The following ING5 variants were observed in gnomAD, a reference collection of about 807,000 sequenced individuals.
ING5 encodes the protein inhibitor of growth protein 5.
A neutral mutation model predicts 37.4 loss-of-function variants in ING5; 17 were observed. The observed-to-expected ratio is 0.45, with a 90% CI of 0.31 to 0.68. ING5 has a LOEUF of 0.68. Among genes scored for constraint, ING5 ranks in the 30% least tolerant of loss-of-function variants. The probability of loss-of-function intolerance (pLI) is 0.05; values close to 1 mark genes in which losing one functional copy is unlikely to be tolerated. For missense variants in ING5, 233 were observed against 311.9 expected (o/e 0.75, Z 1.91); for synonymous variants, 123 against 116.6 (o/e 1.06, Z -0.36).
chr2:241,708,739 T>C (rs2124903022), intron 2 of ING5, among the ~76,000 whole-genome samples: 1 of 152,324 alleles, frequency 6.6e-6, no homozygotes, highest in South Asian at 2.1e-4. Context: ...TTACTGAGGA[T>C]TGGACATTGG....
intron 2 of ING5, 52 bp downstream of exon 2, chr2:241,704,776 C>A: frequency 6.8e-7 from 1 of 1,460,846 alleles, no homozygotes; most frequent in Non-Finnish European, 9.6e-7. Flanking sequence ...CAGGTGGGAG[C>A]CAGCAGCTCC....
chr2:241,721,367 CCT>C (rs2124947961), intron 5 of ING5: 2 of 985,474 alleles, frequency 2.0e-6, no homozygotes, highest in South Asian at 4.7e-5. Context: ...AAGAGAAACC[CCT>C]GTCTATTCCC....
At chr2:241,709,513 G>A in intron 3 of ING5, 131 bp downstream of exon 3, 1 of 794,400 alleles carries the variant, frequency 1.3e-6, no homozygotes, top group Non-Finnish European at 2.0e-6. Flanking sequence ...GACGCTGCTG[G>A]AGGAAGTGCA....
At chr2:241,707,023 G>A (rs1186522645) in intron 2 of ING5, among the ~76,000 whole-genome samples, 2 of 148,832 alleles carry the variant, frequency 1.3e-5, no homozygotes, top group South Asian at 2.1e-4. Context: ...GCGATGGCGC[G>A]ATCTTGGCTC....
chr2:241,710,161 C>T (rs2124909139), intron 3 of ING5, among the ~76,000 whole-genome samples: 1 of 152,096 alleles, frequency 6.6e-6, no homozygotes, highest in South Asian at 2.1e-4. Context: ...GGCTGGAGTG[C>T]AATGGTGCTA....
intron 1 of ING5, chr2:241,688,211 C>T (rs1575111992): frequency 1.3e-5 from 2 of 152,236 alleles, no homozygotes; most frequent in South Asian, 4.1e-4. Context: ...CCCTGGATTA[C>T]AGTCTACCAG....
chr2:241,711,531 T>G, intron 4 of ING5, 43 bp downstream of exon 4: 1 of 1,335,998 alleles, frequency 7.5e-7, no homozygotes. Context: ...TACTGTTAAC[T>G]ATGGAGTTTT....
Position 241,726,894 on chromosome 2 carries a change from A to C in ING5, c.*1863A>C, listed in dbSNP as rs1277262690. 6.6e-6 allele frequency: 1 copy of C among 152,120 alleles called. No homozygotes were observed. The highest frequency in any genetic ancestry group is 2.4e-5 in the African/African-American group (1 of 41,370). The allele number at this position is 152,120 out of a possible 1,614,324, so 9.4% of individuals were successfully genotyped here. ...ACTGCAAGCTCCGCCTCCCGGGTTC[A>C]CGCCATTCTCCTGCCTCAGCCCCCC... On this transcript the variant is annotated 3_prime_UTR_variant, in exon 8 of 8. Transcript: ENST00000313552.
chr2:241,721,699 G>T, intron 5 of ING5: 14 of 985,444 alleles, frequency 1.4e-5, no homozygotes, highest in Non-Finnish European at 1.7e-5. Flanking sequence ...GTGGGATAGG[G>T]AAGATACTTT....
Position 241,702,086 on chromosome 2 carries a change from G to A in ING5, c.21G>A (p.Leu7=). Residue 7 remains leucine (L), a synonymous_variant, in exon 1 of 8, where the codon TTG becomes TTA. Coordinates refer to ENST00000313552, the MANE Select transcript of ING5 (RefSeq NM_032329.6). ...CGAAGATGGCGACCGCCATGTACTT[G>A]GAGCACTATCTGGACAGTAAGCGCG... The part of the protein sequence containing the change: MATAMY[L]EHYLDSIENL... The A allele has an allele frequency of 7.2e-7, 1 of 1,393,796 alleles. No homozygotes were observed. The highest frequency in any genetic ancestry group is 3.3e-5 in the East Asian group (1 of 30,322). 86.3% of individuals were successfully genotyped at this position (1,393,796 alleles called of 1,614,324 possible).
intron 2 of ING5, among the ~76,000 whole-genome samples, chr2:241,693,252 C>CAAAAAA (rs748452347): frequency 1.2e-4 from 7 of 59,330 alleles, no homozygotes; most frequent in South Asian, 5.7e-4. Context: ...GAGACTGTCT[C>CAAAAAA]AAAAAAAAAA....
chr2:241,695,600 T>C (rs1297647461), intron 2 of ING5, among the ~76,000 whole-genome samples: 1 of 151,952 alleles, frequency 6.6e-6, no homozygotes, highest in African/African-American at 2.4e-5. Context: ...GCAGCAGAAT[T>C]GCTTGAACCC....
chr2:241,689,390 G>T (rs1300960366), intron 1 of ING5, among the ~76,000 whole-genome samples: 1 of 152,204 alleles, frequency 6.6e-6, no homozygotes, highest in East Asian at 1.9e-4. Context: ...GATTACAGAC[G>T]TGAACCACTG....
chr2:241,703,264 G>A (rs2069800182), intron 1 of ING5, among the ~76,000 whole-genome samples: 4 of 152,200 alleles, frequency 2.6e-5, no homozygotes, highest in African/African-American at 9.6e-5. Flanking sequence ...GAAAACACTG[G>A]GGCTGGAAGC....
At chr2:241,721,029 G>A in intron 5 of ING5, 1 of 985,634 alleles carries the variant, frequency 1.0e-6, no homozygotes, top group Non-Finnish European at 1.2e-6. Context: ...CTGAGACACA[G>A]GTCAAGTGGC....
In ING5 at chr2:241,709,382, G is replaced by A. The variant is rs778384632; in HGVS notation, c.276G>A (p.Met92Ile). 1.2e-6 allele frequency: 2 copies of A among 1,612,382 alleles called. No homozygotes were observed. The highest frequency in any genetic ancestry group is 1.7e-6 in the Non-Finnish European group (2 of 1,179,214). The change falls in exon 3 of 8, where the codon ATG (methionine) becomes ATA (isoleucine). Residue 92 changes from methionine (M) to isoleucine (I), a missense_variant and splice_region_variant. By Grantham distance (10) the Met-to-Ile change is conservative (BLOSUM62 1). This residue lies in a region of ING5 where 19 missense variants were observed against 45.8 expected (regional missense o/e 0.41). Transcript: ENST00000313552. Reference protein sequence around the residue: ...KVQLAMQTYEMVDKHIRRLDA... With the variant: ...KVQLAMQTYEIVDKHIRRLDA... The stretch of plus-strand genomic sequence containing the variant: ...AGCTGGCCATGCAGACCTACGAGAT[G>A]GTGAGGGCGGGGCGGGGGCCATGGC...
chr2:241,718,419 C>CT (rs1256765166), intron 5 of ING5, among the ~76,000 whole-genome samples: 5,273 of 85,812 alleles, frequency 0.061, 322 homozygotes, highest in East Asian at 0.29. Context: ...CTCTTTCTGT[C>CT]TTTTTTTTTT....
chr2:241,693,441 G>A (rs1384572564), intron 2 of ING5, among the ~76,000 whole-genome samples: 3 of 151,856 alleles, frequency 2.0e-5, no homozygotes, highest in Non-Finnish European at 4.4e-5. Context: ...CTTGCAGGTA[G>A]ATGTGGCATG....
chr2:241,700,159 T>G (rs2069692375), upstream of ING5, among the ~76,000 whole-genome samples: 1 of 145,678 alleles, frequency 6.9e-6, no homozygotes, highest in African/African-American at 2.6e-5. Flanking sequence ...AGTTTTTTTT[T>G]TTTTTTTTTT....
Sources: gnomAD v4.1 joint callset for allele counts (sites outside exome capture counted in the v4.1 genomes callset) on GRCh38, gnomAD v4.1.1 for gene constraint, gnomAD v4.1.1 regional missense constraint, MANE v1.5 for transcripts, NCBI Gene and HGNC (gene_info 2026-07-23, HGNC 2026-07-21) for gene names.